CLSTN2: variants seen among roughly 807,000 people sequenced by gnomAD.
CLSTN2 encodes calsyntenin 2.
In CLSTN2, 48 loss-of-function variants were observed where a neutral mutation model predicts 101.2. The ratio of observed to expected loss-of-function variants is 0.47; its 90% CI spans 0.38 to 0.60. The LOEUF (loss-of-function observed/expected upper bound fraction) is 0.60, where lower values mean the gene tolerates loss of function less well. CLSTN2 is among the 20% of genes least tolerant of loss of function. The probability of loss-of-function intolerance (pLI) is 0.00; values close to 1 mark genes in which losing one functional copy is unlikely to be tolerated. For synonymous variants in CLSTN2, 481 were observed against 463.6 expected (o/e 1.04, Z -0.48); for missense variants, 1,160 against 1,238.2 (o/e 0.94, Z 0.95).
intron 2 of CLSTN2, among the ~76,000 whole-genome samples, chr3:140,280,352 A>G: frequency 6.6e-6 from 1 of 152,108 alleles, no homozygotes; most frequent in East Asian, 1.9e-4. Flanking sequence ...AGTAAGTGGG[A>G]AAATGGAAGG....
chr3:140,486,174 T>A (rs919887384), intron 8 of CLSTN2, among the ~76,000 whole-genome samples: 1 of 151,816 alleles, frequency 6.6e-6, no homozygotes, highest in Non-Finnish European at 1.5e-5. Flanking sequence ...ACAAACAACA[T>A]TTTACTGAAA....
intron 1 of CLSTN2, among the ~76,000 whole-genome samples, chr3:140,120,423 T>C (rs1250080038): frequency 6.6e-6 from 1 of 152,214 alleles, no homozygotes; most frequent in Non-Finnish European, 1.5e-5. Flanking sequence ...GGAACCTCGA[T>C]GAGTTCAGCT....
At chr3:140,375,661 A>G (rs1016136152) in intron 2 of CLSTN2, among the ~76,000 whole-genome samples, 1 of 152,046 alleles carries the variant, frequency 6.6e-6, no homozygotes, top group African/African-American at 2.4e-5. Flanking sequence ...CATGGCTTAT[A>G]TTTTATCTGG....
intron 2 of CLSTN2, among the ~76,000 whole-genome samples, chr3:140,248,524 T>C (rs2086535345): frequency 6.6e-6 from 1 of 152,194 alleles, no homozygotes; most frequent in Non-Finnish European, 1.5e-5. Flanking sequence ...AGATTCACTC[T>C]GGGAGCTTCC....
At chr3:140,291,351 C>A (rs1246096569) in intron 2 of CLSTN2, among the ~76,000 whole-genome samples, 7 of 151,960 alleles carry the variant, frequency 4.6e-5, no homozygotes, top group Non-Finnish European at 8.8e-5. Context: ...TTGTCAAGGT[C>A]ACCAGTAAAT....
intron 1 of CLSTN2, among the ~76,000 whole-genome samples, chr3:140,052,313 C>T (rs1011658092): frequency 5.9e-5 from 9 of 152,114 alleles, no homozygotes; most frequent in Non-Finnish European, 1.3e-4. Flanking sequence ...CGCACGCCAC[C>T]AAAACCAGCT....
intron 2 of CLSTN2, among the ~76,000 whole-genome samples, chr3:140,233,210 A>C (rs186345609): frequency 0.039 from 5,929 of 152,032 alleles, 354 homozygotes; most frequent in African/African-American, 0.13. Flanking sequence ...CATTGCTATA[A>C]CTGCCTGTGT....
intron 1 of CLSTN2, among the ~76,000 whole-genome samples, chr3:140,051,793 G>A (rs2008001304): frequency 6.6e-6 from 1 of 152,162 alleles, no homozygotes; most frequent in South Asian, 2.1e-4. Flanking sequence ...ATCCCTCCAG[G>A]TGATTTCAAT....
At chr3:140,178,722 A>C (rs746534761) in intron 2 of CLSTN2, among the ~76,000 whole-genome samples, 1 of 152,226 alleles carries the variant, frequency 6.6e-6, no homozygotes, top group Non-Finnish European at 1.5e-5. Flanking sequence ...ATTTATCTTA[A>C]AAAGAAAATA....
chr3:140,269,815 C>T (rs2086725911), intron 2 of CLSTN2, among the ~76,000 whole-genome samples: 1 of 152,164 alleles, frequency 6.6e-6, no homozygotes, highest in Admixed American at 6.6e-5. Flanking sequence ...GTTCAAATCC[C>T]AGCTCCATTA....
chr3:140,403,346 A>G (rs140857965), intron 2 of CLSTN2, among the ~76,000 whole-genome samples: 33 of 152,292 alleles, frequency 2.2e-4, no homozygotes, highest in African/African-American at 7.2e-4. Flanking sequence ...CCAGGAGTAA[A>G]GGAAAGAGGA....
intron 1 of CLSTN2, among the ~76,000 whole-genome samples, chr3:139,962,776 A>G (rs1381029106): frequency 6.6e-6 from 1 of 152,088 alleles, no homozygotes; most frequent in Non-Finnish European, 1.5e-5. Context: ...TATGTACCAC[A>G]ATTTGTTTCT....
intron 2 of CLSTN2, among the ~76,000 whole-genome samples, chr3:140,377,066 A>G (rs2087925818): frequency 9.4e-6 from 1 of 106,696 alleles, no homozygotes; most frequent in Non-Finnish European, 2.0e-5. Flanking sequence ...TATATGCCAT[A>G]AAATGATGTT....
chr3:140,396,936 A>G (rs749184615), intron 2 of CLSTN2, among the ~76,000 whole-genome samples: 12 of 152,128 alleles, frequency 7.9e-5, no homozygotes, highest in Non-Finnish European at 1.8e-4. Context: ...TGACCCCTTT[A>G]CACTCTTAAA....
chr3:140,012,341 G>C (rs376244736), intron 1 of CLSTN2, among the ~76,000 whole-genome samples: 2 of 152,280 alleles, frequency 1.3e-5, no homozygotes, highest in South Asian at 4.1e-4. Context: ...CAGTAAGGAT[G>C]CTTTCACTGC....
chr3:139,955,112 C>CCATATA (rs1553785577), intron 1 of CLSTN2, among the ~76,000 whole-genome samples: 1 of 71,502 alleles, frequency 1.4e-5, no homozygotes, highest in Non-Finnish European at 2.5e-5. Context: ...GGCAATATTG[C>CCATATA]TATATATATA....
chr3:140,068,884 A>T (rs1276587062), intron 1 of CLSTN2, among the ~76,000 whole-genome samples: 1 of 152,218 alleles, frequency 6.6e-6, no homozygotes, highest in East Asian at 1.9e-4. Context: ...TTCTAACATC[A>T]TACTGTCTGG....
At chr3:140,515,597 T>A (rs946076455) in intron 8 of CLSTN2, among the ~76,000 whole-genome samples, 4 of 152,160 alleles carry the variant, frequency 2.6e-5, no homozygotes, top group Non-Finnish European at 5.9e-5. Context: ...AAATTTTTTT[T>A]AATTTTCATC....
At chr3:140,278,367 C>T (rs542950525) in intron 2 of CLSTN2, among the ~76,000 whole-genome samples, 26 of 152,100 alleles carry the variant, frequency 1.7e-4, no homozygotes, top group African/African-American at 5.8e-4. Flanking sequence ...CTTGAGCGAG[C>T]GGGTCCCCAC....
Sources: allele counts gnomAD v4.1 joint callset (sites outside exome capture counted in the v4.1 genomes callset), GRCh38; gene constraint gnomAD v4.1.1; transcripts MANE v1.5; gene names NCBI Gene and HGNC (gene_info 2026-07-23, HGNC 2026-07-21).